The following CCDC191 variants were observed in gnomAD, a reference collection of about 807,000 sequenced individuals.
CCDC191 encodes coiled-coil domain containing 191.
CCDC191 carries 99 observed loss-of-function variants against 114.0 expected under a neutral mutation model. The observed-to-expected ratio is 0.87, with a 90% CI of 0.74 to 1.03. CCDC191 has a LOEUF of 1.03. Ranked by LOEUF, CCDC191 falls within the 50% of genes least tolerant of loss-of-function variation. The pLI is 0.00. For synonymous variants in CCDC191, 351 were observed against 376.0 expected (o/e 0.93, Z 0.77); for missense variants, 973 against 1,087.0 (o/e 0.90, Z 1.47).
chr3:113,970,421 A>G (rs1390814703), intron 16 of CCDC191, among the ~76,000 whole-genome samples: 2 of 152,034 alleles, frequency 1.3e-5, no homozygotes, highest in Non-Finnish European at 2.9e-5. Flanking sequence ...TGGCCTCCCA[A>G]AGCCCTGGGA....
intron 2 of CCDC191, among the ~76,000 whole-genome samples, chr3:114,047,954 G>C (rs2076652173): frequency 6.6e-6 from 1 of 152,066 alleles, no homozygotes; most frequent in African/African-American, 2.4e-5. Flanking sequence ...CAGCTCGAGT[G>C]ACAGAGCGAG....
chr3:114,000,625 C>A (rs1371766430), intron 13 of CCDC191, among the ~76,000 whole-genome samples: 1 of 151,236 alleles, frequency 6.6e-6, no homozygotes, highest in African/African-American at 2.4e-5. Context: ...ATGAAACATA[C>A]CTTATATGAC....
chr3:114,005,329 C>T (rs141204023), intron 10 of CCDC191, among the ~76,000 whole-genome samples, 179 bp downstream of exon 10: 91 of 152,332 alleles, frequency 6.0e-4, no homozygotes, highest in African/African-American at 2.1e-3. Flanking sequence ...TCCTTACAGG[C>T]ATCCTTGACT....
intron 2 of CCDC191, among the ~76,000 whole-genome samples, chr3:114,049,676 G>T (rs2107761704): frequency 6.6e-6 from 1 of 152,300 alleles, no homozygotes; most frequent in African/African-American, 2.4e-5. Flanking sequence ...ACAAATGTTT[G>T]CTTGGCTTTA....
At chr3:114,023,623 T>C (rs868060506) in intron 7 of CCDC191, among the ~76,000 whole-genome samples, 1 of 152,204 alleles carries the variant, frequency 6.6e-6, no homozygotes. Context: ...CCCTATTTAA[T>C]AAATGGTGCT....
chr3:114,012,403 T>C (rs1411436623), intron 8 of CCDC191, among the ~76,000 whole-genome samples: 1 of 152,214 alleles, frequency 6.6e-6, no homozygotes, highest in African/African-American at 2.4e-5. Flanking sequence ...TCAATAAATA[T>C]TTAGAAATTC....
intron 13 of CCDC191, among the ~76,000 whole-genome samples, chr3:113,988,390 G>A (rs2075440501): frequency 6.6e-6 from 1 of 151,930 alleles, no homozygotes; most frequent in African/African-American, 2.4e-5. Context: ...AGCTATTCCA[G>A]CCAAGACGGG....
intron 13 of CCDC191, 74 bp from the exon 14 acceptor site, chr3:113,980,867 T>A (rs1404985942): frequency 2.6e-5 from 36 of 1,389,850 alleles, no homozygotes; most frequent in Non-Finnish European, 3.2e-5. Context: ...AGCTAATGAA[T>A]TTAATTTGAA....
intron 7 of CCDC191, among the ~76,000 whole-genome samples, chr3:114,027,623 GA>G (rs34248411): frequency 0.02 from 2,530 of 123,716 alleles, 69 homozygotes; most frequent in Middle Eastern, 0.098. Flanking sequence ...AAAAAAAAAA[GA>G]AAAAAAAATC....
At chr3:114,056,255 A>C (rs919403608) in intron 1 of CCDC191, 122 bp downstream of exon 1, 3 of 907,634 alleles carry the variant, frequency 3.3e-6, no homozygotes, top group Non-Finnish European at 5.3e-6. Flanking sequence ...TGGGGCGGTC[A>C]AGGCAGGGGC....
At chr3:114,006,617 T>A (rs78024177) in intron 9 of CCDC191, among the ~76,000 whole-genome samples, 28,848 of 118,344 alleles carry the variant, frequency 0.24, 3,380 homozygotes, top group Middle Eastern at 0.35. Context: ...TATATATATA[T>A]AAATATATAT....
At chr3:114,056,311 C>G in intron 1 of CCDC191, 66 bp downstream of exon 1, 1 of 1,504,218 alleles carries the variant, frequency 6.6e-7, no homozygotes, top group Non-Finnish European at 9.2e-7. Flanking sequence ...CGGGCCGCGA[C>G]TGGCTTCCTG....
At chr3:114,014,376 G>A (rs2076123617) in intron 8 of CCDC191, among the ~76,000 whole-genome samples, 1 of 152,164 alleles carries the variant, frequency 6.6e-6, no homozygotes, top group Non-Finnish European at 1.5e-5. Flanking sequence ...GATACCATGC[G>A]GCTTCTGGCT....
chr3:114,053,383 G>A (rs528326233), intron 2 of CCDC191, among the ~76,000 whole-genome samples: 1 of 152,070 alleles, frequency 6.6e-6, no homozygotes. Flanking sequence ...CTACACACCT[G>A]TTTTCTTGTC....
chr3:113,981,256 G>A (rs1325885767), intron 13 of CCDC191, among the ~76,000 whole-genome samples: 2 of 152,050 alleles, frequency 1.3e-5, no homozygotes, highest in Non-Finnish European at 2.9e-5. Context: ...TAAGTCCAGA[G>A]GCAAGTTAAA....
intron 3 of CCDC191, among the ~76,000 whole-genome samples, chr3:114,046,274 A>C (rs768614695): frequency 6.6e-6 from 1 of 152,278 alleles, no homozygotes; most frequent in African/African-American, 2.4e-5. Context: ...GACTATAGTC[A>C]AATTATCTGT....
chr3:113,969,359 C>G (rs1189026574), intron 16 of CCDC191, among the ~76,000 whole-genome samples: 1 of 152,100 alleles, frequency 6.6e-6, no homozygotes. Flanking sequence ...TTGATGTAAT[C>G]CCAGTTGTCT....
At chr3:113,978,641 TA>T (rs1290589115) in intron 15 of CCDC191, 1 of 615,314 alleles carries the variant, frequency 1.6e-6, no homozygotes, top group African/African-American at 1.8e-5. Context: ...ACTTACAGTT[TA>T]TACACACTCC....
intron 8 of CCDC191, among the ~76,000 whole-genome samples, chr3:114,014,344 G>T (rs1577417610): frequency 6.6e-6 from 1 of 152,326 alleles, no homozygotes. Context: ...GTGACAGAGA[G>T]ATCAGGAGTT....
Sources: allele counts gnomAD v4.1 joint callset (sites outside exome capture counted in the v4.1 genomes callset), GRCh38; gene constraint gnomAD v4.1.1; transcripts MANE v1.5; gene names NCBI Gene and HGNC (gene_info 2026-07-23, HGNC 2026-07-21).